LHFPL7: variants seen among roughly 807,000 people sequenced by gnomAD.
LHFPL7 encodes the protein LHFPL tetraspan subfamily member 7 protein.
the LHFPL7 span, among the ~76,000 whole-genome samples, chr22:24,941,059 TG>T: frequency 8.8e-4 from 132 of 149,308 alleles, no homozygotes; most frequent in African/African-American, 3.1e-3. Context: ...GCAGCCACTT[TG>T]TTTTTTTTTT....
At chr22:24,942,182 G>C in the LHFPL7 span, among the ~76,000 whole-genome samples, 1 of 151,626 alleles carries the variant, frequency 6.6e-6, no homozygotes, top group Non-Finnish European at 1.5e-5. Context: ...TTTTAGTAGA[G>C]ACGGGGTTTC....
chr22:24,938,424 C>G, the LHFPL7 span: 1 of 1,483,746 alleles, frequency 6.7e-7, no homozygotes, highest in Non-Finnish European at 9.1e-7. Context: ...GGATGCTCCC[C>G]TGCTCATTGA....
At chr22:24,944,708 A>C in the LHFPL7 span, among the ~76,000 whole-genome samples, 151,812 of 152,230 alleles carry the variant, frequency 1, 75,703 homozygotes, top group Middle Eastern at 1. Flanking sequence ...GCATGCACCA[A>C]CATGCCTGGC....
chr22:24,939,621 T>G, the LHFPL7 span: 2 of 690,998 alleles, frequency 2.9e-6, no homozygotes, highest in East Asian at 5.4e-5. Flanking sequence ...CTGGCCGAGG[T>G]GCTCCCTAGC....
At chr22:24,938,316 C>T in the LHFPL7 span, 4 of 1,612,738 alleles carry the variant, frequency 2.5e-6, no homozygotes, top group African/African-American at 4.0e-5. Flanking sequence ...AGGAAAATTG[C>T]ATTGAAGGCC....
chr22:24,940,806 A>G, the LHFPL7 span, among the ~76,000 whole-genome samples: 1 of 149,250 alleles, frequency 6.7e-6, no homozygotes, highest in Non-Finnish European at 1.5e-5. Flanking sequence ...TCTTTCAGAG[A>G]AAAAAGGTTG....
At chr22:24,935,634 G>A in the LHFPL7 span, 1 of 1,582,542 alleles carries the variant, frequency 6.3e-7, no homozygotes, top group African/African-American at 1.3e-5. Context: ...TGTTGGCCAA[G>A]GGGTACCTCA....
chr22:24,938,175 G>T, the LHFPL7 span: 9 of 1,614,076 alleles, frequency 5.6e-6, no homozygotes, highest in Non-Finnish European at 6.8e-6. Context: ...CCCTGGCATT[G>T]GAACACTGCT....
the LHFPL7 span, among the ~76,000 whole-genome samples, chr22:24,940,069 A>G: frequency 2.6e-5 from 4 of 150,948 alleles, no homozygotes; most frequent in African/African-American, 9.7e-5. Context: ...CTGGGACTAC[A>G]GGCGCCCGCC....
chr22:24,941,003 C>T, the LHFPL7 span, among the ~76,000 whole-genome samples: 1 of 151,820 alleles, frequency 6.6e-6, no homozygotes, highest in Non-Finnish European at 1.5e-5. Context: ...ACAAGGTCTC[C>T]CTATATTGGC....
the LHFPL7 span, chr22:24,939,586 C>A: frequency 1.4e-6 from 1 of 700,302 alleles, no homozygotes. Context: ...CTAATGGAGA[C>A]TGCAGGGACA....
the LHFPL7 span, chr22:24,935,730 GC>G: frequency 8.3e-7 from 1 of 1,203,384 alleles, no homozygotes; most frequent in South Asian, 1.6e-5. Flanking sequence ...TTATTTATTG[GC>G]TCATCTCTCC....
At chr22:24,935,373 G>C in the LHFPL7 span, 4 of 1,613,566 alleles carry the variant, frequency 2.5e-6, no homozygotes, top group Non-Finnish European at 3.4e-6. Context: ...TCTCTCGGTG[G>C]CACTGGAGAA....
At chr22:24,946,601 G>C in the LHFPL7 span, 3 of 152,384 alleles carry the variant, frequency 2.0e-5, no homozygotes, top group Non-Finnish European at 2.9e-5. Flanking sequence ...CTCCAGCGTG[G>C]CCACCTCTGC....
chr22:24,943,589 T>C, the LHFPL7 span, among the ~76,000 whole-genome samples: 2 of 152,236 alleles, frequency 1.3e-5, no homozygotes, highest in African/African-American at 4.8e-5. Flanking sequence ...ATATTATCAC[T>C]GTTCCCATTT....
chr22:24,938,429 C>A, the LHFPL7 span: 1 of 1,449,792 alleles, frequency 6.9e-7, no homozygotes, highest in South Asian at 1.4e-5. Flanking sequence ...CTCCCCTGCT[C>A]ATTGACCAGC....
the LHFPL7 span, chr22:24,935,361 A>G: frequency 6.2e-7 from 1 of 1,613,530 alleles, no homozygotes; most frequent in Non-Finnish European, 8.5e-7. Context: ...CACAAAGATG[A>G]TTCTCTCGGT....
the LHFPL7 span, among the ~76,000 whole-genome samples, chr22:24,936,967 A>G: frequency 1.3e-5 from 2 of 150,406 alleles, no homozygotes; most frequent in Non-Finnish European, 1.5e-5. Flanking sequence ...GACAAGGATC[A>G]TGTCTCCATC....
the LHFPL7 span, among the ~76,000 whole-genome samples, chr22:24,942,728 A>C: frequency 6.6e-6 from 1 of 152,072 alleles, no homozygotes; most frequent in Non-Finnish European, 1.5e-5. Context: ...CTTAGTCTGG[A>C]CTAGGGGCAG....
Sources: allele counts gnomAD v4.1 joint callset (sites outside exome capture counted in the v4.1 genomes callset), GRCh38; gene constraint gnomAD v4.1.1; transcripts MANE v1.5; gene names NCBI Gene and HGNC (gene_info 2026-07-23, HGNC 2026-07-21).